Variants in GFRA1 observed in about 807,000 individuals in gnomAD.
GFRA1 encodes the protein GDNF family receptor alpha 1.
Under a neutral mutation model 51.6 loss-of-function variants are expected in GFRA1, and 16 were observed. The observed-to-expected ratio is 0.31, with a 90% CI of 0.21 to 0.47. The LOEUF is 0.47. Ranked by LOEUF, GFRA1 falls within the 20% of genes least tolerant of loss-of-function variation. GFRA1 has a pLI of 1.00. For synonymous variants in GFRA1, 270 were observed against 241.3 expected (o/e 1.12, Z -1.10); for missense variants, 530 against 594.3 (o/e 0.89, Z 1.13).
intron 4 of GFRA1, among the ~76,000 whole-genome samples, chr10:116,233,842 T>TAC (rs890849454): frequency 6.6e-6 from 1 of 152,198 alleles, no homozygotes; most frequent in Non-Finnish European, 1.5e-5. Context: ...AGGCCCATCT[T>TAC]ACATAAAAGG....
chr10:116,067,424 A>G (rs1351872899), intron 9 of GFRA1, among the ~76,000 whole-genome samples: 2 of 152,182 alleles, frequency 1.3e-5, no homozygotes, highest in African/African-American at 2.4e-5. Flanking sequence ...TGGTTTCTAG[A>G]CTGGGATGCA....
At chr10:116,072,330 A>C (rs1312810117) in intron 9 of GFRA1, among the ~76,000 whole-genome samples, 1 of 152,198 alleles carries the variant, frequency 6.6e-6, no homozygotes, top group Non-Finnish European at 1.5e-5. Flanking sequence ...GGTCTTGTGC[A>C]GTAGCCAGTA....
chr10:116,198,131 C>A (rs189342803), intron 5 of GFRA1, among the ~76,000 whole-genome samples: 1 of 152,316 alleles, frequency 6.6e-6, no homozygotes, highest in African/African-American at 2.4e-5. Flanking sequence ...TAGGAAGCCC[C>A]AAACCACAGC....
At position 116,061,697 on chromosome 10, in the gene GFRA1, T is replaced by C. The variant is rs11197518; in HGVS notation, c.*2701A>G. ...CACCCAAACCTCAGCAGATAACCCCTGTCTTCAGTGGCACCCCAAATGCCC... is the reference window on the plus strand; with the variant it reads ...CACCCAAACCTCAGCAGATAACCCCCGTCTTCAGTGGCACCCCAAATGCCC... On this transcript the variant is annotated 3_prime_UTR_variant, in exon 11 of 11. Transcript: ENST00000355422. 1,263 of 284,776 alleles carry C rather than the reference T, an allele frequency of 4.4e-3. 12 individuals carry two copies. The highest frequency in any genetic ancestry group is 0.025 in the African/African-American group (1,171 of 46,090). The allele number at this position is 284,776 out of a possible 1,614,324, so 17.6% of individuals were successfully genotyped here.
At chr10:116,217,483 G>A (rs1246099021) in intron 4 of GFRA1, among the ~76,000 whole-genome samples, 6 of 152,250 alleles carry the variant, frequency 3.9e-5, no homozygotes, top group African/African-American at 1.4e-4. Context: ...TAAACTCTAT[G>A]AGTCTTCATT....
At chr10:116,266,692 G>A (rs2134796750) in intron 4 of GFRA1, among the ~76,000 whole-genome samples, 1 of 152,288 alleles carries the variant, frequency 6.6e-6, no homozygotes, top group South Asian at 2.1e-4. Context: ...AAAGAAAGCT[G>A]GCCTGCGAAT....
At chr10:116,139,157 C>G (rs1958457764) in intron 5 of GFRA1, among the ~76,000 whole-genome samples, 1 of 152,222 alleles carries the variant, frequency 6.6e-6, no homozygotes, top group African/African-American at 2.4e-5. Flanking sequence ...TAATCCAGCA[C>G]TCTCAGGTTA....
intron 5 of GFRA1, among the ~76,000 whole-genome samples, chr10:116,177,623 C>T (rs1961756795): frequency 6.6e-6 from 1 of 152,168 alleles, no homozygotes; most frequent in African/African-American, 2.4e-5. Flanking sequence ...AAATTCTCCA[C>T]TCCCATTCTC....
chr10:116,195,058 G>C (rs537799026), intron 5 of GFRA1, among the ~76,000 whole-genome samples: 1 of 152,312 alleles, frequency 6.6e-6, no homozygotes, highest in African/African-American at 2.4e-5. Flanking sequence ...GGGTGTGGCT[G>C]TGTTTCAGTA....
intron 2 of GFRA1, among the ~76,000 whole-genome samples, chr10:116,271,376 C>A (rs1843921534): frequency 6.6e-6 from 1 of 152,118 alleles, no homozygotes; most frequent in African/African-American, 2.4e-5. Flanking sequence ...TGCTCCAGAG[C>A]CTGCGCTGCC....
intron 4 of GFRA1, among the ~76,000 whole-genome samples, chr10:116,245,555 T>A (rs911454434): frequency 6.6e-6 from 1 of 152,206 alleles, no homozygotes; most frequent in Non-Finnish European, 1.5e-5. Flanking sequence ...ACTTTAAATA[T>A]GATCCAGCAA....
chr10:116,150,416 G>A (rs573072577), intron 5 of GFRA1, among the ~76,000 whole-genome samples: 14 of 152,254 alleles, frequency 9.2e-5, no homozygotes, highest in African/African-American at 3.4e-4. Context: ...CGGTCAATAT[G>A]TGATCTCTTA....
chr10:116,255,187 T>C lies in GFRA1; in HGVS notation c.418+14316A>G, dbSNP rs1477979120. 5.9e-5 allele frequency among the ~76,000 whole-genome samples: 9 copies of C among 152,168 alleles called. No individual in the cohort carries two copies. In the East Asian group the frequency reaches 1.7e-3, roughly 29 times the overall value. ...GAACAAATGTCGACAAGATATAGGA[T>C]ATGCTGCTCTGTTTGCCACCAAAAT... On this transcript the variant is annotated intron_variant, in intron 4 of 10. Transcript: ENST00000355422.
chr10:116,182,539 A>G (rs1260871411), intron 5 of GFRA1, among the ~76,000 whole-genome samples: 7 of 152,178 alleles, frequency 4.6e-5, no homozygotes, highest in Non-Finnish European at 7.3e-5. Context: ...AAACTACATT[A>G]AGGAACTCCC....
chr10:116,092,096 TACAC>T (rs58442181), intron 8 of GFRA1, among the ~76,000 whole-genome samples: 8,089 of 138,116 alleles, frequency 0.059, 364 homozygotes, highest in African/African-American at 0.13. Flanking sequence ...CATACATACG[TACAC>T]ACACACACAC....
At chr10:116,257,168 T>C (rs541097538) in intron 4 of GFRA1, among the ~76,000 whole-genome samples, 3 of 152,286 alleles carry the variant, frequency 2.0e-5, no homozygotes, top group African/African-American at 7.2e-5. Context: ...AGAGACCACC[T>C]TTCTCCTACC....
At chr10:116,153,061 T>C (rs1959123380) in intron 5 of GFRA1, among the ~76,000 whole-genome samples, 1 of 152,136 alleles carries the variant, frequency 6.6e-6, no homozygotes, top group South Asian at 2.1e-4. Context: ...CATTCATCCA[T>C]CCAACAAATA....
chr10:116,142,543 A>G (rs959640359), intron 5 of GFRA1, among the ~76,000 whole-genome samples: 1 of 152,242 alleles, frequency 6.6e-6, no homozygotes, highest in South Asian at 2.1e-4. Flanking sequence ...TACCAAAAGT[A>G]GAAATGTGTC....
At chr10:116,265,655 GGAGA>G (rs1969598490) in intron 4 of GFRA1, among the ~76,000 whole-genome samples, 1 of 152,158 alleles carries the variant, frequency 6.6e-6, no homozygotes, top group Non-Finnish European at 1.5e-5. Flanking sequence ...ATCTCGGCCG[GGAGA>G]GATGCAGATG....
Sources: allele counts gnomAD v4.1 joint callset (sites outside exome capture counted in the v4.1 genomes callset), GRCh38; gene constraint gnomAD v4.1.1; transcripts MANE v1.5; gene names NCBI Gene and HGNC (gene_info 2026-07-23, HGNC 2026-07-21).